SPTBN5: variants seen among roughly 807,000 people sequenced by gnomAD.
The protein encoded by SPTBN5 is spectrin beta chain, non-erythrocytic 5.
SPTBN5 carries 513 observed loss-of-function variants against 477.6 expected under a neutral mutation model. That is an observed-to-expected ratio of 1.07 (90% confidence interval 1.00 to 1.16). The LOEUF (loss-of-function observed/expected upper bound fraction) is 1.16. SPTBN5 is among the 50% of genes most tolerant of loss of function. SPTBN5 has a pLI of 0.00. For synonymous variants in SPTBN5, 2,169 were observed against 2,011.7 expected, an observed-to-expected ratio of 1.08 and a Z score of -2.09; for missense variants, 5,062 against 4,731.8, an observed-to-expected ratio of 1.07 and a Z score of -2.05.
chr15:41,878,653 A>C, intron 16 of SPTBN5, 24 bp from the exon 17 acceptor site: 1 of 1,599,946 alleles, frequency 6.3e-7, no homozygotes, highest in African/African-American at 1.3e-5. Context: ...TGCGCTGCAC[A>C]GTCAGTGCCC....
chr15:41,862,757 GCC>G, intron 42 of SPTBN5, 31 bp downstream of exon 42: 1 of 1,548,980 alleles, frequency 6.5e-7, no homozygotes, highest in African/African-American at 1.4e-5. Flanking sequence ...CTCAGGAGAT[GCC>G]CTGGGCCCAG....
chr15:41,880,363 G>A (rs2066908357), intron 13 of SPTBN5, 51 bp from the exon 14 acceptor site: 1 of 1,528,366 alleles, frequency 6.5e-7, no homozygotes, highest in African/African-American at 1.4e-5. Flanking sequence ...CCCCGACAGG[G>A]CTCTCAGAGC....
rs569521442 is a variant in SPTBN5, at chr15:41,888,693, T to G, written c.502-608A>C. On this transcript the variant is annotated intron_variant, in intron 4 of 67. Coordinates refer to ENST00000320955, the MANE Select transcript of SPTBN5 (RefSeq NM_016642.4). Reference sequence around the variant, plus strand: ...CTAGGCTGGTCTCAAACTCCTGACTTTAAATAATCTGCCTGCCTTGGCCTC... The same window carrying G: ...CTAGGCTGGTCTCAAACTCCTGACTGTAAATAATCTGCCTGCCTTGGCCTC... Among the ~76,000 whole-genome samples the G allele has an allele frequency of 3.9e-5, 6 of 152,302 alleles. No homozygotes were observed. In the South Asian group the frequency reaches 1.2e-3, roughly 32 times the overall value.
rs2067381183 is a variant in SPTBN5, at chr15:41,893,555, C to A, written c.-49-9G>T. The stretch of plus-strand genomic sequence containing the variant: ...TGGATGGCTCCCTAAACCTGGAGGG[C>A]ATGCAGATTAGGGGATGATGTGAAT... On this transcript the variant is annotated splice_polypyrimidine_tract_variant and intron_variant, in intron 1 of 67. Coordinates refer to ENST00000320955, the MANE Select transcript of SPTBN5 (RefSeq NM_016642.4). The A allele has an allele frequency of 6.5e-7, 1 of 1,531,082 alleles. No homozygotes were observed. Among genetic ancestry groups the A allele is most frequent in the Non-Finnish European group, 8.7e-7 (1 of 1,144,314 alleles). 94.8% of individuals were successfully genotyped at this position (1,531,082 alleles called of 1,614,324 possible). A position where few individuals can be genotyped will look rare whatever the true frequency, so the allele number is the denominator to read the frequency against.
intron 63 of SPTBN5, 121 bp downstream of exon 63, chr15:41,851,658 T>TG (rs1193246138): frequency 2.2e-5 from 16 of 731,514 alleles, no homozygotes; most frequent in East Asian, 2.1e-4. Flanking sequence ...GACAGCATGG[T>TG]GGGGGGTGGC....
chr15:41,884,570 C>T (rs1025458765), intron 7 of SPTBN5, among the ~76,000 whole-genome samples: 2 of 152,238 alleles, frequency 1.3e-5, no homozygotes, highest in African/African-American at 2.4e-5. Flanking sequence ...TAACTGGTCT[C>T]TCTGCTTCTG....
rs1431389819 is a variant in SPTBN5, at chr15:41,868,215, G to A, written c.6061C>T (p.Gln2021Ter). 6.3e-7 allele frequency: 1 copy of A among 1,580,824 alleles called. No individual in the cohort carries two copies. The highest frequency in any genetic ancestry group is 8.6e-7 in the Non-Finnish European group (1 of 1,163,436). ...TCCTGCAGGGCTCGAAGCTCTTCCTGGACCTGGGGATGGACACATGAGGAG... is the reference window on the plus strand; with the variant it reads ...TCCTGCAGGGCTCGAAGCTCTTCCTAGACCTGGGGATGGACACATGAGGAG... Reference protein sequence around the residue: ...LAAGTPTKEVQEELRALQDQR... With the variant: ...LAAGTPTKEV The change falls in exon 34 of 68, where the codon CAG becomes TAG. Residue 2021 changes from glutamine (Q) to a stop codon, truncating the protein, a stop_gained. Transcript: ENST00000320955. LOFTEE classifies it high-confidence loss of function.
intron 55 of SPTBN5, 107 bp downstream of exon 55, chr15:41,855,117 C>A: frequency 6.9e-7 from 1 of 1,442,830 alleles, no homozygotes; most frequent in South Asian, 1.4e-5. Flanking sequence ...CCTAGGACAC[C>A]CTCTCCAGGC....
Position 41,853,706 on chromosome 15 carries a change from G to T in SPTBN5, c.9856C>A (p.Pro3286Thr). Residue 3286 changes from proline to threonine, a missense_variant, in exon 58 of 68, where the codon CCG (proline) becomes ACG (threonine). Transcript: ENST00000320955. ...TCCTGCACCTTGGCCAGGCCCCCCG[G>T]AGCTGCAGGATGTAGCTGGCCCAGT... ...CRLGQLHPAA[P>T]GGLAKVQEAW... The T allele has an allele frequency of 6.3e-7, 1 of 1,596,658 alleles. No homozygotes were observed.
In SPTBN5 at chr15:41,860,696, C is replaced by T; in HGVS notation, c.7878G>A (p.Glu2626=). The change falls in exon 47 of 68, where the codon GAG becomes GAA. Residue 2626 remains glutamate (E), a synonymous_variant. Coordinates refer to ENST00000320955, the MANE Select transcript of SPTBN5 (RefSeq NM_016642.4). ...GAGCACTGATCTTTCCCGCCTGCAC[C>T]TCCAGGTCCCACTCCAGCATCTTGT... ...WKHKMLEWDL[E]VQAGKISALE... is the part of the protein sequence containing the mutation. 6.3e-7 allele frequency: 1 copy of T among 1,598,118 alleles called. No individual in the cohort carries two copies. Among genetic ancestry groups the T allele is most frequent in the African/African-American group, 1.3e-5 (1 of 74,706 alleles).
chr15:41,867,475 C>T, intron 35 of SPTBN5, 63 bp downstream of exon 35: 1 of 1,487,968 alleles, frequency 6.7e-7, no homozygotes, highest in Non-Finnish European at 9.4e-7. Context: ...CCCCGTGACC[C>T]CCTTCAGGAC....
chr15:41,853,365 G>A lies in SPTBN5; in HGVS notation c.10063C>T (p.Gln3355Ter). ...DVAGAEQLLG[Q>*]HEELGQEIRE... ...ATTTCTTGCCCCAGCTCTTCATGCT[G>A]CCCAAGGAGCTGCTCAGCCCCCGCC... is the stretch of plus-strand genomic sequence containing the variant. Residue 3355 changes from glutamine to a stop codon, truncating the protein, a stop_gained, in exon 59 of 68, where the codon CAG becomes TAG. Coordinates refer to ENST00000320955, the MANE Select transcript of SPTBN5 (RefSeq NM_016642.4). LOFTEE classifies it high-confidence loss of function. The A allele has an allele frequency of 6.2e-7, 1 of 1,612,128 alleles. No homozygotes were observed.
intron 15 of SPTBN5, 105 bp downstream of exon 15, chr15:41,879,629 C>A: frequency 6.3e-7 from 1 of 1,577,672 alleles, no homozygotes; most frequent in South Asian, 1.2e-5. Context: ...GTGCCTCGGA[C>A]ACGTCCAGCC....
intron 47 of SPTBN5, 104 bp downstream of exon 47, chr15:41,860,482 G>T: frequency 8.0e-7 from 1 of 1,243,908 alleles, no homozygotes; most frequent in Non-Finnish European, 1.0e-6. Context: ...GACAAGGCTG[G>T]TGAGCCTGGG....
chr15:41,851,579 C>CCGGG (rs1644038965), intron 63 of SPTBN5, among the ~76,000 whole-genome samples, 200 bp downstream of exon 63: 1 of 20,774 alleles, frequency 4.8e-5, no homozygotes, highest in South Asian at 2.6e-3. Flanking sequence ...CCCAGCACCT[C>CCGGG]CTGGTGGGGG....
At chr15:41,862,518 G>A (rs1423631227) in intron 43 of SPTBN5, 21 bp downstream of exon 43, 1 of 1,577,510 alleles carries the variant, frequency 6.3e-7, no homozygotes, top group Non-Finnish European at 8.6e-7. Flanking sequence ...GTCGGCGAGG[G>A]CAAGGCCTGC....
At chr15:41,878,727 G>A (rs1291319482) in intron 16 of SPTBN5, 98 bp from the exon 17 acceptor site, 2 of 1,342,482 alleles carry the variant, frequency 1.5e-6, no homozygotes, top group Non-Finnish European at 2.0e-6. Flanking sequence ...CAGGGAGAGT[G>A]GTGCTGACTC....
rs183637291 is a variant in SPTBN5 at position 41,854,390 on chromosome 15, C to T, written c.9619-185G>A. On this transcript the variant is annotated intron_variant, in intron 56 of 67. Transcript: ENST00000320955. ...CAGTGAACGTGATGATATGGGTCTG[C>T]GGCAGGCCAGGGGGTGGGGAGGGTG... is the stretch of plus-strand genomic sequence containing the variant. Among the ~76,000 whole-genome samples, 222 of 122,976 alleles carry T rather than the reference C, an allele frequency of 1.8e-3. 1 individual carries two copies. The highest frequency in any genetic ancestry group is 6.4e-3 in the African/African-American group (211 of 32,816). 80.7% of individuals were successfully genotyped at this position (122,976 alleles called of 152,430 possible). A position where few individuals can be genotyped will look rare whatever the true frequency, so the allele number is the denominator to read the frequency against.
Position 41,853,760 on chromosome 15 carries a change from C to G in SPTBN5, c.9802G>C (p.Val3268Leu). Reference sequence around the variant, plus strand: ...CAGGCCTCCGTCTGTAGCCGTGCCACCTCCTTCTCCATAGCTTCCAGCTCT... The same window carrying G: ...CAGGCCTCCGTCTGTAGCCGTGCCAGCTCCTTCTCCATAGCTTCCAGCTCT... Reference protein sequence around the residue: ...ERELEAMEKEVARLQTEACRL... With the variant: ...ERELEAMEKELARLQTEACRL... The change falls in exon 58 of 68, where the codon GTG (valine) becomes CTG (leucine). Residue 3268 changes from valine to leucine, a missense_variant. Physicochemically the swap from Val to Leu is conservative, Grantham distance 32. Transcript: ENST00000320955. The G allele has an allele frequency of 1.9e-6, 3 of 1,575,550 alleles. No individual in the cohort carries two copies. The highest frequency in any genetic ancestry group is 2.6e-6 in the Non-Finnish European group (3 of 1,160,708).
Sources: allele counts gnomAD v4.1 joint callset (sites outside exome capture counted in the v4.1 genomes callset), GRCh38; gene constraint gnomAD v4.1.1; transcripts MANE v1.5; gene names NCBI Gene and HGNC (gene_info 2026-07-23, HGNC 2026-07-21).